Variants in CWC27 observed in about 807,000 individuals in gnomAD.
The protein encoded by CWC27 is CWC27 spliceosome associated cyclophilin.
A neutral mutation model predicts 63.6 loss-of-function variants in CWC27; 47 were observed. That is an observed-to-expected ratio of 0.74 (90% CI 0.58 to 0.94). CWC27 has a LOEUF of 0.94. Ranked by LOEUF, CWC27 falls within the 40% of genes least tolerant of loss-of-function variation. The pLI, the probability that CWC27 is intolerant of heterozygous loss-of-function variation, is 0.00. For synonymous variants in CWC27, 175 were observed against 179.8 expected (o/e 0.97, Z 0.22); for missense variants, 495 against 554.3 (o/e 0.89, Z 1.07).
intron 11 of CWC27, among the ~76,000 whole-genome samples, chr5:64,956,169 A>G (rs1021727494): frequency 6.6e-6 from 1 of 152,198 alleles, no homozygotes; most frequent in Non-Finnish European, 1.5e-5. Flanking sequence ...CAAATAATCA[A>G]TAATTAGGTA....
chr5:64,900,282 T>A (rs1747470964), intron 11 of CWC27, among the ~76,000 whole-genome samples: 2 of 152,234 alleles, frequency 1.3e-5, no homozygotes, highest in African/African-American at 4.8e-5. Flanking sequence ...AGTGTTACTT[T>A]GTGGTTTTGA....
chr5:64,822,798 AAG>A (rs1292170653), intron 10 of CWC27, among the ~76,000 whole-genome samples: 9 of 152,182 alleles, frequency 5.9e-5, no homozygotes, highest in African/African-American at 2.2e-4. Context: ...ATTTTTGGAA[AAG>A]AGTAATATGA....
intron 10 of CWC27, among the ~76,000 whole-genome samples, chr5:64,812,337 T>A (rs1034941365): frequency 6.6e-6 from 1 of 152,088 alleles, no homozygotes; most frequent in African/African-American, 2.4e-5. Flanking sequence ...TCACAGAAGA[T>A]TTATAAGCAA....
At chr5:64,976,353 C>T (rs547297015) in intron 12 of CWC27, among the ~76,000 whole-genome samples, 56 of 152,008 alleles carry the variant, frequency 3.7e-4, no homozygotes, top group Admixed American at 7.2e-4. Context: ...ACTCATTTTC[C>T]AACAGTTAAT....
At chr5:64,934,084 T>C (rs1748295597) in intron 11 of CWC27, among the ~76,000 whole-genome samples, 1 of 152,142 alleles carries the variant, frequency 6.6e-6, no homozygotes, top group South Asian at 2.1e-4. Context: ...GCTTTCACCC[T>C]TAGTTTTTTT....
intron 10 of CWC27, among the ~76,000 whole-genome samples, chr5:64,837,454 T>C (rs1288243388): frequency 6.6e-6 from 1 of 152,020 alleles, no homozygotes; most frequent in Non-Finnish European, 1.5e-5. Flanking sequence ...CTTTGGCTAC[T>C]AAAGTGTCAA....
chr5:64,896,807 G>A (rs1747387906), intron 11 of CWC27, among the ~76,000 whole-genome samples: 1 of 152,096 alleles, frequency 6.6e-6, no homozygotes, highest in Non-Finnish European at 1.5e-5. Context: ...TGTATCAATA[G>A]TTGTATTGAA....
intron 10 of CWC27, among the ~76,000 whole-genome samples, chr5:64,874,960 T>C (rs1182871058): frequency 6.6e-6 from 1 of 152,042 alleles, no homozygotes; most frequent in Non-Finnish European, 1.5e-5. Context: ...GGCTAAAGAC[T>C]GGGTTTCTGC....
chr5:64,824,754 A>G (rs745803970), intron 10 of CWC27, among the ~76,000 whole-genome samples: 37 of 89,738 alleles, frequency 4.1e-4, no homozygotes, highest in South Asian at 7.8e-4. Flanking sequence ...TTTTTTTGAG[A>G]TGGAGTCTCA....
At position 64,800,322 on chromosome 5, in the gene CWC27, A is replaced by G. The variant is rs1244219308; in HGVS notation, c.744A>G (p.Val248=). The G allele has an allele frequency of 3.7e-6, 6 of 1,605,522 alleles. No individual in the cohort carries two copies. Among genetic ancestry groups the G allele is most frequent in the Middle Eastern group, 1.7e-4 (1 of 6,038 alleles). ...DDPHLSSVPV[V]ESEKGDAPDL... is the part of the protein sequence containing the mutation. Reference sequence around the variant, plus strand: ...CACATCTCAGTTCTGTTCCAGTTGTAGAAAGGTTAGTCCATTGTTGGTATG... The same window carrying G: ...CACATCTCAGTTCTGTTCCAGTTGTGGAAAGGTTAGTCCATTGTTGGTATG... Residue 248 remains valine, a synonymous_variant, in exon 8 of 14, where the codon GTA becomes GTG. Transcript: ENST00000381070.
At chr5:64,973,432 T>C (rs569865278) in intron 12 of CWC27, among the ~76,000 whole-genome samples, 51 of 152,324 alleles carry the variant, frequency 3.3e-4, no homozygotes, top group Admixed American at 2.4e-3. Flanking sequence ...ATTGGGCTCC[T>C]TCAGCATAGC....
chr5:64,905,200 C>CAAAA lies in CWC27; in HGVS notation c.1042+19675_1042+19678dup, dbSNP rs71608574. 6.3e-4 allele frequency among the ~76,000 whole-genome samples: 35 copies of CAAAA among 55,538 alleles called. 1 individual carries two copies. The highest frequency in any genetic ancestry group is 1.5e-3 in the African/African-American group (22 of 14,820). 36.4% of individuals were successfully genotyped at this position (55,538 alleles called of 152,430 possible). Reference sequence around the variant, plus strand: ...TGGGCGACAGAGCCACACTACATCTCAAAAAAAAAAAAAAAAAAAAAAAAC... The same window carrying CAAAA: ...TGGGCGACAGAGCCACACTACATCTCAAAAAAAAAAAAAAAAAAAAAAAAAAAAC... On this transcript the variant is annotated intron_variant, in intron 11 of 13. Coordinates refer to ENST00000381070, the MANE Select transcript of CWC27 (RefSeq NM_005869.4).
At chr5:64,967,008 T>C (rs768142752) in intron 11 of CWC27, among the ~76,000 whole-genome samples, 2 of 152,092 alleles carry the variant, frequency 1.3e-5, no homozygotes, top group African/African-American at 4.8e-5. Flanking sequence ...TCTTTTTTTT[T>C]ACATTCCCAT....
Position 64,800,306 on chromosome 5 carries a change from G to T in CWC27, c.728G>T (p.Ser243Ile). 1 of 1,611,068 alleles carries T rather than the reference G, an allele frequency of 6.2e-7. No homozygotes were observed. The highest frequency in any genetic ancestry group is 8.5e-7 in the Non-Finnish European group (1 of 1,178,252). Residue 243 changes from serine to isoleucine, a missense_variant, in exon 8 of 14, where the codon AGT becomes ATT. This residue lies in a region of CWC27 where 463 missense variants were observed against 498.1 expected (regional missense o/e 0.93). Transcript: ENST00000381070. ...TTGCTTAAGGATGATCCACATCTCA[G>T]TTCTGTTCCAGTTGTAGAAAGGTTA... ...HDLLKDDPHL[S>I]SVPVVESEKG...
chr5:64,972,552 AT>A (rs1749145963), intron 12 of CWC27: 1 of 370,310 alleles, frequency 2.7e-6, no homozygotes, highest in African/African-American at 2.1e-5. Flanking sequence ...ATATATATAT[AT>A]ATGGACACAC....
intron 13 of CWC27, among the ~76,000 whole-genome samples, chr5:64,993,186 A>G (rs1749569710): frequency 6.6e-6 from 1 of 152,198 alleles, no homozygotes; most frequent in Admixed American, 6.5e-5. Flanking sequence ...TGCTCAGGAA[A>G]TAGTAGGTGT....
At chr5:64,995,720 G>C (rs1749618815) in intron 13 of CWC27, among the ~76,000 whole-genome samples, 1 of 152,154 alleles carries the variant, frequency 6.6e-6, no homozygotes, top group Admixed American at 6.5e-5. Context: ...TCTTGTGCCA[G>C]TACCTCACTG....
intron 11 of CWC27, among the ~76,000 whole-genome samples, chr5:64,911,473 A>C (rs1459148986): frequency 2.0e-5 from 3 of 152,190 alleles, no homozygotes; most frequent in Admixed American, 2.0e-4. Flanking sequence ...AAATATTTAA[A>C]ATCCTTTAAA....
intron 11 of CWC27, among the ~76,000 whole-genome samples, chr5:64,932,697 C>T (rs1384369703): frequency 6.6e-6 from 1 of 152,140 alleles, no homozygotes; most frequent in Non-Finnish European, 1.5e-5. Flanking sequence ...TCTTCTTCAC[C>T]TCTTCCCCAA....
Sources: allele counts gnomAD v4.1 joint callset (sites outside exome capture counted in the v4.1 genomes callset), GRCh38; gene constraint gnomAD v4.1.1; regional missense constraint gnomAD v4.1.1; transcripts MANE v1.5; gene names NCBI Gene and HGNC (gene_info 2026-07-23, HGNC 2026-07-21).